Variants in PCSK2 observed in about 807,000 individuals in gnomAD.
PCSK2 encodes the protein neuroendocrine convertase 2.
A neutral mutation model predicts 69.7 loss-of-function variants in PCSK2; 14 were observed. That is an observed-to-expected ratio of 0.20 (90% CI 0.13 to 0.31). The LOEUF is 0.31. Ranked by LOEUF, PCSK2 falls within the 10% of genes least tolerant of loss-of-function variation. PCSK2 has a pLI of 1.00. For missense variants in PCSK2, 544 were observed against 842.5 expected, an observed-to-expected ratio of 0.65 and a Z score of 4.39; for synonymous variants, 307 against 320.7, an observed-to-expected ratio of 0.96 and a Z score of 0.46.
At chr20:17,295,367 C>T (rs1261408737) in intron 2 of PCSK2, among the ~76,000 whole-genome samples, 1 of 151,982 alleles carries the variant, frequency 6.6e-6, no homozygotes, top group East Asian at 1.9e-4. Context: ...GAGCCAGGAA[C>T]ACTCTACCAC....
intron 1 of PCSK2, among the ~76,000 whole-genome samples, chr20:17,246,265 A>G (rs1039787215): frequency 6.6e-6 from 1 of 152,146 alleles, no homozygotes; most frequent in African/African-American, 2.4e-5. Context: ...TCTGCTCCCT[A>G]CTACTGTATT....
At chr20:17,317,741 A>G (rs1989733156) in intron 2 of PCSK2, among the ~76,000 whole-genome samples, 1 of 152,240 alleles carries the variant, frequency 6.6e-6, no homozygotes, top group Non-Finnish European at 1.5e-5. Flanking sequence ...AATAATAATA[A>G]AATACTACCC....
chr20:17,249,740 G>A (rs1249172567), intron 1 of PCSK2, among the ~76,000 whole-genome samples: 1 of 152,096 alleles, frequency 6.6e-6, no homozygotes, highest in Non-Finnish European at 1.5e-5. Flanking sequence ...AATAAGGCAG[G>A]CACCAACAGT....
At chr20:17,455,843 G>A (rs143004792) in intron 9 of PCSK2, among the ~76,000 whole-genome samples, 5 of 152,256 alleles carry the variant, frequency 3.3e-5, no homozygotes, top group African/African-American at 9.6e-5. Context: ...CCCCTTTTAC[G>A]TGGGCTACTA....
At chr20:17,472,755 T>C (rs1170405441) in intron 11 of PCSK2, among the ~76,000 whole-genome samples, 2 of 152,052 alleles carry the variant, frequency 1.3e-5, no homozygotes, top group African/African-American at 2.4e-5. Context: ...TTAGTAGAGC[T>C]GGGGTTTCAC....
intron 2 of PCSK2, among the ~76,000 whole-genome samples, chr20:17,273,144 T>C (rs559255582): frequency 6.6e-6 from 1 of 152,246 alleles, no homozygotes; most frequent in Admixed American, 6.5e-5. Flanking sequence ...CTTAATAAAG[T>C]GATTTCCTTT....
chr20:17,394,967 T>A (rs1166497371), intron 5 of PCSK2, among the ~76,000 whole-genome samples: 1 of 152,242 alleles, frequency 6.6e-6, no homozygotes, highest in African/African-American at 2.4e-5. Context: ...AGTTCTTTTT[T>A]GTCACATTTC....
chr20:17,283,990 A>T lies in PCSK2; in HGVS notation c.282+23646A>T, dbSNP rs186468380. On this transcript the variant is annotated intron_variant, in intron 2 of 11. Coordinates refer to ENST00000262545, the MANE Select transcript of PCSK2 (RefSeq NM_002594.5). Reference sequence around the variant, plus strand: ...ACATTTCCCATATCTAATGAGTGTGACTCCAGCCATGTTCTTCATTTACAT... The same window carrying T: ...ACATTTCCCATATCTAATGAGTGTGTCTCCAGCCATGTTCTTCATTTACAT... Among the ~76,000 whole-genome samples the T allele has an allele frequency of 3.2e-4, 49 of 152,158 alleles. 1 individual carries two copies. The highest frequency in any genetic ancestry group is 2.8e-3 in the Admixed American group (43 of 15,278).
chr20:17,347,921 G>GA (rs1990718648), intron 2 of PCSK2, among the ~76,000 whole-genome samples: 1 of 42,666 alleles, frequency 2.3e-5, no homozygotes, highest in South Asian at 7.6e-4. Flanking sequence ...AGAAAGAAAG[G>GA]AGAGAGAAAA....
intron 4 of PCSK2, among the ~76,000 whole-genome samples, chr20:17,365,489 AC>A (rs2030559684): frequency 6.6e-6 from 1 of 152,092 alleles, no homozygotes; most frequent in African/African-American, 2.4e-5. Flanking sequence ...ATACAAATAC[AC>A]TTTTTCTAGC....
Position 17,227,064 on chromosome 20 carries a change from C to T in PCSK2, c.-242C>T. 1.9e-6 allele frequency: 1 copy of T among 528,776 alleles called. No individual in the cohort carries two copies. The highest frequency in any genetic ancestry group is 3.3e-5 in the Admixed American group (1 of 29,996). 32.8% of individuals were successfully genotyped at this position (528,776 alleles called of 1,614,324 possible). A position where few individuals can be genotyped will look rare whatever the true frequency, so the allele number is the denominator to read the frequency against. On this transcript the variant is annotated 5_prime_UTR_variant, in exon 1 of 12. Coordinates refer to ENST00000262545, the MANE Select transcript of PCSK2 (RefSeq NM_002594.5). ...CGCTCTTTCTCTCCGGTACACACAGCTCCCCACATTCGCACCCCTGCCCGC... is the reference window on the plus strand; with the variant it reads ...CGCTCTTTCTCTCCGGTACACACAGTTCCCCACATTCGCACCCCTGCCCGC...
rs1432083272 is a variant in PCSK2 at position 17,463,028 on chromosome 20, G to A, written c.1203-2298G>A. Among the ~76,000 whole-genome samples the A allele has an allele frequency of 2.0e-5, 3 of 152,162 alleles. No individual in the cohort carries two copies. In the East Asian group the frequency reaches 5.8e-4, roughly 29 times the overall value. On this transcript the variant is annotated intron_variant, in intron 10 of 11. Transcript: ENST00000262545. ...ACTCTTCAGACATATGCAAATAGCA[G>A]GTCAAACAGTGTCATAGACTCAGTT...
intron 6 of PCSK2, among the ~76,000 whole-genome samples, chr20:17,428,925 G>T (rs1316777959): frequency 3.1e-5 from 4 of 130,462 alleles, no homozygotes; most frequent in African/African-American, 1.1e-4. Flanking sequence ...CCTGAGCCCA[G>T]GAAGTCGAAG....
intron 10 of PCSK2, 152 bp from the exon 11 acceptor site, chr20:17,465,174 C>T (rs971838618): frequency 4.3e-6 from 3 of 697,780 alleles, no homozygotes; most frequent in African/African-American, 1.7e-5. Flanking sequence ...GGTGCATGGA[C>T]ACCCTCCCTT....
chr20:17,421,417 T>C (rs2032123321), intron 6 of PCSK2, among the ~76,000 whole-genome samples: 1 of 152,124 alleles, frequency 6.6e-6, no homozygotes, highest in Admixed American at 6.6e-5. Context: ...AACCCCAAAG[T>C]CTTACCCTGT....
intron 2 of PCSK2, among the ~76,000 whole-genome samples, chr20:17,355,802 T>A (rs2030178105): frequency 6.6e-6 from 1 of 152,132 alleles, no homozygotes; most frequent in Admixed American, 6.5e-5. Flanking sequence ...CCCCAGTGAC[T>A]GCGAGCAGCA....
At chr20:17,262,570 G>A (rs183658937) in intron 2 of PCSK2, among the ~76,000 whole-genome samples, 1 of 152,012 alleles carries the variant, frequency 6.6e-6, no homozygotes, top group Non-Finnish European at 1.5e-5. Context: ...TTTGGCATCT[G>A]CTGATAGAAA....
chr20:17,474,863 T>C (rs2033265036), intron 11 of PCSK2, among the ~76,000 whole-genome samples: 2 of 152,174 alleles, frequency 1.3e-5, no homozygotes, highest in Non-Finnish European at 2.9e-5. Context: ...ACAGATGGAA[T>C]GAGGCCCATA....
At chr20:17,409,860 C>A (rs567270032) in intron 6 of PCSK2, among the ~76,000 whole-genome samples, 1 of 152,266 alleles carries the variant, frequency 6.6e-6, no homozygotes, top group South Asian at 2.1e-4. Flanking sequence ...AACAGTCCAT[C>A]CAAGAGAATA....
Sources: allele counts gnomAD v4.1 joint callset (sites outside exome capture counted in the v4.1 genomes callset), GRCh38; gene constraint gnomAD v4.1.1; transcripts MANE v1.5; gene names NCBI Gene and HGNC (gene_info 2026-07-23, HGNC 2026-07-21).